THBS4: variants seen among roughly 807,000 people sequenced by gnomAD.
THBS4 encodes the protein thrombospondin 4, also known as thrombospondin-4.
Under a neutral mutation model 115.7 loss-of-function variants are expected in THBS4, and 90 were observed. The observed-to-expected ratio is 0.78, with a 90% CI of 0.66 to 0.93. The LOEUF (loss-of-function observed/expected upper bound fraction) is 0.93, where lower values mean the gene tolerates loss of function less well. THBS4 is among the 40% of genes least tolerant of loss of function. The pLI, the probability that THBS4 is intolerant of heterozygous loss-of-function variation, is 0.00. For synonymous variants in THBS4, 460 were observed against 479.3 expected, an observed-to-expected ratio of 0.96 and a Z score of 0.53; for missense variants, 1,087 against 1,232.7, an observed-to-expected ratio of 0.88 and a Z score of 1.77.
chr5:80,045,797 C>T (rs540080456), intron 2 of THBS4, among the ~76,000 whole-genome samples: 103 of 152,240 alleles, frequency 6.8e-4, no homozygotes, highest in Admixed American at 3.1e-3. Context: ...TCCCAAAGTG[C>T]TGGGATTACA....
rs1017029008 is a variant in THBS4, at chr5:80,024,774, G to A, written n.178-15303G>A. Among the ~76,000 whole-genome samples the A allele has an allele frequency of 1.1e-4, 16 of 152,284 alleles. No homozygotes were observed. The East Asian group carries it at 1.3e-3, about 13-fold the overall frequency. On this transcript the variant is annotated intron_variant and non_coding_transcript_variant, in intron 2 of 3. Coordinates refer to the THBS4 transcript ENST00000510218. ...ACATAATATGTGAAGAAGGAAGTAC[G>A]TTAAATTAATTACAAGAAATGCATT...
chr5:80,055,371 A>G (rs892931899), intron 2 of THBS4, among the ~76,000 whole-genome samples: 1 of 151,924 alleles, frequency 6.6e-6, no homozygotes, highest in East Asian at 1.9e-4. Flanking sequence ...ACCTAAGGAC[A>G]GCCCCCAGCC....
chr5:80,034,143 T>C (rs1832640520), upstream of THBS4, among the ~76,000 whole-genome samples: 3 of 152,324 alleles, frequency 2.0e-5, no homozygotes, highest in South Asian at 6.2e-4. Context: ...CAGTGTTCTC[T>C]CATGTGTAGA....
chr5:80,058,074 T>G, intron 3 of THBS4, 132 bp from the exon 4 acceptor site: 1 of 661,444 alleles, frequency 1.5e-6, no homozygotes, highest in South Asian at 2.0e-5. Flanking sequence ...AATGTGATCC[T>G]ACAAAATTAT....
chr5:80,018,685 G>A (rs542351695), intron 2 of THBS4, among the ~76,000 whole-genome samples: 9 of 152,024 alleles, frequency 5.9e-5, no homozygotes, highest in South Asian at 2.1e-4. Context: ...GTGAGCCACC[G>A]TGCCCAGCCC....
At chr5:80,070,212 T>C in intron 10 of THBS4, 94 bp from the exon 11 acceptor site, 1 of 1,058,586 alleles carries the variant, frequency 9.4e-7, no homozygotes, top group Non-Finnish European at 1.4e-6. Context: ...GCCCTCCCCC[T>C]GGGATTGAGC....
intron 2 of THBS4, among the ~76,000 whole-genome samples, chr5:80,027,590 G>A (rs778260233): frequency 9.9e-5 from 15 of 151,964 alleles, no homozygotes; most frequent in South Asian, 6.2e-4. Context: ...TGAAAAACCC[G>A]TTACAAAAAA....
intron 20 of THBS4, 149 bp downstream of exon 20, chr5:80,080,226 T>A: frequency 1.1e-6 from 1 of 932,404 alleles, no homozygotes; most frequent in Non-Finnish European, 1.6e-6. Flanking sequence ...ATGGGGAACC[T>A]AGAAAAGAGG....
At position 80,070,359 on chromosome 5, in the gene THBS4, C is replaced by T. The variant is rs144763490; in HGVS notation, c.1401C>T (p.Ile467=). 12 of 1,611,892 alleles carry T rather than the reference C, an allele frequency of 7.4e-6. 1 individual carries two copies. The highest frequency in any genetic ancestry group is 2.2e-5 in the East Asian group (1 of 44,860). ...DGYICGKDVD[I]DSYPDEELPC... is the part of the protein sequence containing the mutation. ...ATATCTGTGGAAAGGATGTGGACAT[C>T]GACAGTTACCCCGACGAAGAACTGC... The change falls in exon 11 of 22, where the codon ATC becomes ATT. Residue 467 remains isoleucine (I), a synonymous_variant. Transcript: ENST00000350881.
chr5:80,055,074 C>T (rs1283041829), intron 2 of THBS4, among the ~76,000 whole-genome samples: 2 of 152,098 alleles, frequency 1.3e-5, no homozygotes, highest in African/African-American at 4.8e-5. Flanking sequence ...GTAATCCCAG[C>T]ACTTTGGGAG....
chr5:80,068,226 G>C, intron 10 of THBS4, 101 bp downstream of exon 10: 1 of 1,414,640 alleles, frequency 7.1e-7, no homozygotes, highest in Non-Finnish European at 9.7e-7. Flanking sequence ...ACTCCAAAAT[G>C]AAAGCATTGC....
At chr5:80,026,795 C>G (rs1004071265) in intron 2 of THBS4, among the ~76,000 whole-genome samples, 1 of 152,226 alleles carries the variant, frequency 6.6e-6, no homozygotes, top group Non-Finnish European at 1.5e-5. Context: ...ACTTTTAATA[C>G]ATTAAGAGTA....
chr5:80,044,983 A>T (rs1833017148), intron 2 of THBS4, among the ~76,000 whole-genome samples: 1 of 152,130 alleles, frequency 6.6e-6, no homozygotes, highest in African/African-American at 2.4e-5. Flanking sequence ...ATCACCATGA[A>T]TACATCTCTG....
intron 2 of THBS4, chr5:80,052,460 A>G (rs1833285964): frequency 6.6e-6 from 1 of 152,176 alleles, no homozygotes; most frequent in Non-Finnish European, 1.5e-5. Flanking sequence ...TTCATACCAC[A>G]TTTATATACG....
intron 9 of THBS4, chr5:80,066,328 T>TGTAA (rs1217390008): frequency 6.6e-6 from 1 of 152,236 alleles, no homozygotes; most frequent in African/African-American, 2.4e-5. Flanking sequence ...CTTGTTTCCT[T>TGTAA]GTAAGTAAAA....
chr5:80,075,054 CCTATATG>C (rs1743126915), intron 15 of THBS4: 2 of 152,160 alleles, frequency 1.3e-5, no homozygotes, highest in South Asian at 4.1e-4. Context: ...TACCTGTCCT[CCTATATG>C]CTTTAAAAAT....
rs2229396 is a variant in THBS4 at position 80,076,898 on chromosome 5, G to A, written c.1936G>A (p.Val646Ile). ...HQDSTDNCPT[V>I]INSAQLDTDK... is the part of the protein sequence containing the mutation. ...GGACAGCACAGACAACTGCCCCACC[G>A]TCATTAACAGTGCCCAGCTGGACAC... Residue 646 changes from valine to isoleucine, a missense_variant, in exon 16 of 22, where the codon GTC becomes ATC. Around this residue, in one of 3 missense-constraint regions of THBS4, gnomAD observed 979 missense variants for 1,103.7 expected, o/e 0.89. Transcript: ENST00000350881. The A allele has an allele frequency of 3.1e-3, 5,038 of 1,611,328 alleles. 129 individuals carry two copies. In the African/African-American group the frequency reaches 0.058, roughly 19 times the overall value.
At chr5:80,066,158 C>T (rs1833817327) in intron 9 of THBS4, among the ~76,000 whole-genome samples, 1 of 150,898 alleles carries the variant, frequency 6.6e-6, no homozygotes, top group Non-Finnish European at 1.5e-5. Context: ...GTGCTTAGCA[C>T]TTAGGGATGC....
At chr5:80,033,203 G>T (rs997668155), upstream of THBS4, 6 of 456,014 alleles carry the variant, frequency 1.3e-5, no homozygotes, top group African/African-American at 1.2e-4. Context: ...AGCATGTTGG[G>T]GATCCTGCGG....
Sources: allele counts gnomAD v4.1 joint callset (sites outside exome capture counted in the v4.1 genomes callset), GRCh38; gene constraint gnomAD v4.1.1; regional missense constraint gnomAD v4.1.1; transcripts MANE v1.5; gene names NCBI Gene and HGNC (gene_info 2026-07-23, HGNC 2026-07-21).